Variants in C1QTNF7 observed in about 807,000 individuals in gnomAD.
The protein encoded by C1QTNF7 is C1q and TNF related 7.
A neutral mutation model predicts 19.6 loss-of-function variants in C1QTNF7; 15 were observed. The ratio of observed to expected loss-of-function variants is 0.76; its 90% CI spans 0.51 to 1.18. The LOEUF (loss-of-function observed/expected upper bound fraction) is 1.18, where lower values mean the gene tolerates loss of function less well. Ranked by LOEUF, C1QTNF7 falls within the 50% of genes most tolerant of loss-of-function variation. The pLI is 0.00. For synonymous variants in C1QTNF7, 142 were observed against 137.5 expected, an observed-to-expected ratio of 1.03 and a Z score of -0.23; for missense variants, 324 against 359.7, an observed-to-expected ratio of 0.90 and a Z score of 0.80.
At chr4:15,438,894 T>C (rs1357431406) in intron 2 of C1QTNF7, among the ~76,000 whole-genome samples, 2 of 152,182 alleles carry the variant, frequency 1.3e-5, no homozygotes, top group Non-Finnish European at 2.9e-5. Flanking sequence ...TGTTAGATGG[T>C]TTACATGGAC....
chr4:15,410,520 G>C (rs557425756), intron 1 of C1QTNF7, among the ~76,000 whole-genome samples: 1 of 152,224 alleles, frequency 6.6e-6, no homozygotes, highest in East Asian at 1.9e-4. Flanking sequence ...ATTCCACTAA[G>C]TGACTAACCC....
At chr4:15,340,117 T>G in exon 1 of C1QTNF7, 1 of 1,487,876 alleles carries the variant, frequency 6.7e-7, no homozygotes, top group Non-Finnish European at 9.2e-7. Context: ...CTGCTTTAAA[T>G]TTTTAATAGT....
At chr4:15,344,670 G>A (rs994472005) in intron 1 of C1QTNF7, among the ~76,000 whole-genome samples, 1 of 152,148 alleles carries the variant, frequency 6.6e-6, no homozygotes, top group African/African-American at 2.4e-5. Flanking sequence ...TCGATCAGCA[G>A]GTTCCAAACT....
chr4:15,355,912 C>T (rs1717129640), intron 1 of C1QTNF7, among the ~76,000 whole-genome samples: 1 of 152,044 alleles, frequency 6.6e-6, no homozygotes, highest in South Asian at 2.1e-4. Context: ...AGCTGGAGTG[C>T]AGTGGCCCAG....
At chr4:15,386,943 C>A (rs926786239) in intron 1 of C1QTNF7, among the ~76,000 whole-genome samples, 2 of 152,046 alleles carry the variant, frequency 1.3e-5, no homozygotes, top group Admixed American at 6.5e-5. Context: ...GAGAGTCCTA[C>A]CAGGAGGGCT....
intron 1 of C1QTNF7, among the ~76,000 whole-genome samples, chr4:15,434,594 C>T (rs565616804): frequency 2.6e-5 from 4 of 152,276 alleles, no homozygotes; most frequent in Non-Finnish European, 5.9e-5. Flanking sequence ...TGTATATGTT[C>T]TTCCCTTTAA....
At chr4:15,372,972 C>T (rs1717787099) in intron 1 of C1QTNF7, among the ~76,000 whole-genome samples, 1 of 152,176 alleles carries the variant, frequency 6.6e-6, no homozygotes, top group Non-Finnish European at 1.5e-5. Context: ...AGCCCTGGCA[C>T]CTAGTGGTGT....
At chr4:15,412,660 ACACT>A (rs1577266889) in intron 1 of C1QTNF7, among the ~76,000 whole-genome samples, 1 of 152,222 alleles carries the variant, frequency 6.6e-6, no homozygotes, top group African/African-American at 2.4e-5. Context: ...TATGGTAAAC[ACACT>A]CACAGGTGCT....
At chr4:15,401,070 C>T (rs1285166322) in intron 1 of C1QTNF7, among the ~76,000 whole-genome samples, 2 of 152,158 alleles carry the variant, frequency 1.3e-5, no homozygotes, top group African/African-American at 2.4e-5. Context: ...AGCGGGCGCA[C>T]CCCAGTGCTG....
chr4:15,365,021 A>G (rs1717465602), intron 1 of C1QTNF7, among the ~76,000 whole-genome samples: 1 of 152,204 alleles, frequency 6.6e-6, no homozygotes, highest in African/African-American at 2.4e-5. Context: ...ATCCCACGTG[A>G]AATGAAAATA....
At position 15,442,794 on chromosome 4, in the gene C1QTNF7, T is replaced by C. The variant is rs1712832042; in HGVS notation, c.865T>C (p.Leu289=). Residue 289 remains leucine, a synonymous_variant, in exon 3 of 3, where the codon TTG becomes CTG. Transcript: ENST00000444304. Reference sequence around the variant, plus strand: ...AGATTCCATATCAGAAGATGATGAATTGTGATCAGGACCAAGATCCCTGTG... The same window carrying C: ...AGATTCCATATCAGAAGATGATGAACTGTGATCAGGACCAAGATCCCTGTG... ...YLDSISEDDE[L] 6.2e-7 allele frequency: 1 copy of C among 1,602,510 alleles called. No homozygotes were observed. The highest frequency in any genetic ancestry group is 8.5e-7 in the Non-Finnish European group (1 of 1,174,960).
intron 1 of C1QTNF7, among the ~76,000 whole-genome samples, chr4:15,383,873 G>T (rs1352197719): frequency 2.0e-5 from 3 of 152,222 alleles, no homozygotes; most frequent in Non-Finnish European, 4.4e-5. Flanking sequence ...CCAAGTCAAG[G>T]TTATTTCAGA....
In C1QTNF7 at chr4:15,442,801, C is replaced by A. The variant is rs1453323106; in HGVS notation, c.*2C>A. ...ATATCAGAAGATGATGAATTGTGATCAGGACCAAGATCCCTGTGGTAAACA... is the reference window on the plus strand; with the variant it reads ...ATATCAGAAGATGATGAATTGTGATAAGGACCAAGATCCCTGTGGTAAACA... On this transcript the variant is annotated 3_prime_UTR_variant, in exon 3 of 3. Coordinates refer to ENST00000444304, the MANE Select transcript of C1QTNF7 (RefSeq NM_031911.5). 6.3e-7 allele frequency: 1 copy of A among 1,596,954 alleles called. No homozygotes were observed. The highest frequency in any genetic ancestry group is 8.5e-7 in the Non-Finnish European group (1 of 1,172,640).
chr4:15,354,970 T>C (rs1414871409), intron 1 of C1QTNF7, among the ~76,000 whole-genome samples: 1 of 152,156 alleles, frequency 6.6e-6, no homozygotes, highest in Non-Finnish European at 1.5e-5. Flanking sequence ...ATTGGGAATA[T>C]CCTAGCCAGG....
Position 15,445,780 on chromosome 4 carries a change from A to G in C1QTNF7, c.*2981A>G, listed in dbSNP as rs1035591075. On this transcript the variant is annotated 3_prime_UTR_variant, in exon 3 of 3. Coordinates refer to ENST00000444304, the MANE Select transcript of C1QTNF7 (RefSeq NM_031911.5). ...TTGCAATCATTCTTTGTAAAGGCTG[A>G]CTTGTAATGAATATGTATTAAGCAA... 8.5e-5 allele frequency: 13 copies of G among 152,240 alleles called. No homozygotes were observed. The highest frequency in any genetic ancestry group is 3.1e-4 in the African/African-American group (13 of 41,468). 9.4% of individuals were successfully genotyped at this position (152,240 alleles called of 1,614,324 possible). A position where few individuals can be genotyped will look rare whatever the true frequency, so the allele number is the denominator to read the frequency against.
intron 1 of C1QTNF7, among the ~76,000 whole-genome samples, chr4:15,363,970 T>C (rs1275932597): frequency 6.6e-6 from 1 of 152,206 alleles, no homozygotes; most frequent in Admixed American, 6.5e-5. Context: ...AATGTTTTCT[T>C]CCCTTTCTCT....
intron 1 of C1QTNF7, among the ~76,000 whole-genome samples, chr4:15,405,073 C>T (rs1172646006): frequency 6.6e-6 from 1 of 152,182 alleles, no homozygotes; most frequent in Non-Finnish European, 1.5e-5. Context: ...AAAATACACA[C>T]AACCATGGCT....
intron 1 of C1QTNF7, among the ~76,000 whole-genome samples, chr4:15,357,175 C>A (rs1717175740): frequency 6.6e-6 from 1 of 152,114 alleles, no homozygotes. Flanking sequence ...TTTGCCCATG[C>A]CTATGTCCTG....
chr4:15,352,043 C>A (rs1716958112), intron 1 of C1QTNF7, among the ~76,000 whole-genome samples: 2 of 152,064 alleles, frequency 1.3e-5, no homozygotes, highest in Admixed American at 6.5e-5. Context: ...TGAAAGTTTG[C>A]AATTTAAATT....
Sources: allele counts gnomAD v4.1 joint callset (sites outside exome capture counted in the v4.1 genomes callset), GRCh38; gene constraint gnomAD v4.1.1; transcripts MANE v1.5; gene names NCBI Gene and HGNC (gene_info 2026-07-23, HGNC 2026-07-21).